Variants in P2RX6 observed in about 807,000 individuals in gnomAD.
The protein encoded by P2RX6 is purinergic receptor P2X 6.
P2RX6 carries 62 observed loss-of-function variants against 54.2 expected under a neutral mutation model. The observed-to-expected ratio is 1.14, with a 90% CI of 0.93 to 1.41. The LOEUF is 1.41. Ranked by LOEUF, P2RX6 falls within the 40% of genes most tolerant of loss-of-function variation. The pLI, the probability that P2RX6 is intolerant of heterozygous loss-of-function variation, is 0.00. For synonymous variants in P2RX6, 211 were observed against 231.9 expected (o/e 0.91, Z 0.82); for missense variants, 541 against 566.3 (o/e 0.96, Z 0.45).
upstream of P2RX6, chr22:21,013,854 T>C (rs1431987329): frequency 6.6e-6 from 1 of 152,270 alleles, no homozygotes; most frequent in Non-Finnish European, 1.5e-5. Flanking sequence ...TCTGGCGGGA[T>C]TTTCCATTTT....
At chr22:21,015,008 G>A (rs1448995930), upstream of P2RX6, 12 of 521,466 alleles carry the variant, frequency 2.3e-5, no homozygotes, top group Non-Finnish European at 3.6e-5. Flanking sequence ...ATGTAGGGAG[G>A]GTGGGAGGTG....
intron 3 of P2RX6, among the ~76,000 whole-genome samples, chr22:21,022,101 C>T (rs745541087): frequency 6.6e-6 from 1 of 152,198 alleles, no homozygotes; most frequent in Non-Finnish European, 1.5e-5. Context: ...GGTGCGTTGT[C>T]TCACGCCTGT....
chr22:21,017,389 C>T (rs1302220325), intron 2 of P2RX6, among the ~76,000 whole-genome samples: 1 of 152,224 alleles, frequency 6.6e-6, no homozygotes, highest in Non-Finnish European at 1.5e-5. Context: ...CCAATGTCCT[C>T]GGCCACCCGT....
chr22:21,018,762 G>C (rs2148027532), intron 3 of P2RX6: 1 of 150,188 alleles, frequency 6.7e-6, no homozygotes, highest in South Asian at 2.1e-4. Context: ...ACAGGCGCCT[G>C]CCACCACGCC....
In P2RX6 at chr22:21,026,499, T is replaced by C; in HGVS notation, c.1208T>C (p.Leu403Pro). 4 of 1,597,318 alleles carry C rather than the reference T, an allele frequency of 2.5e-6. No individual in the cohort carries two copies. The highest frequency in any genetic ancestry group is 3.4e-6 in the Non-Finnish European group (4 of 1,172,600). Residue 403 changes from leucine (L) to proline (P), a missense_variant, in exon 12 of 12, where the codon CTC (leucine) becomes CCC (proline). Transcript: ENST00000413302. The surrounding 1 kb of genome is among the most constrained non-coding windows in gnomAD (Gnocchi z 4.0). ...TCCCAAGCCCGACTGGCCGAGTGCC[T>C]CAGACGGAGCTCAGCACCTGCACCC... is the stretch of plus-strand genomic sequence containing the variant. ...LASQARLAEC[L>P]RRSSAPAPTA... is the part of the protein sequence containing the mutation.
upstream of P2RX6, among the ~76,000 whole-genome samples, chr22:21,013,449 G>T (rs1384314027): frequency 6.6e-6 from 1 of 152,212 alleles, no homozygotes; most frequent in African/African-American, 2.4e-5. Flanking sequence ...AAATTAGCCA[G>T]ATGTGGTAGC....
intron 3 of P2RX6, among the ~76,000 whole-genome samples, chr22:21,021,738 G>A (rs1172859159): frequency 6.6e-6 from 1 of 152,056 alleles, no homozygotes; most frequent in Non-Finnish European, 1.5e-5. Flanking sequence ...GGGTGCCTTC[G>A]TCTCTGGGGT....
chr22:21,017,528 C>T (rs774863189), intron 2 of P2RX6, among the ~76,000 whole-genome samples: 1 of 152,184 alleles, frequency 6.6e-6, no homozygotes, highest in African/African-American at 2.4e-5. Flanking sequence ...CTTGGATCTT[C>T]AGTACTAGAA....
chr22:21,024,371 G>A (rs1928022741), intron 8 of P2RX6, among the ~76,000 whole-genome samples: 1 of 151,350 alleles, frequency 6.6e-6, no homozygotes, highest in Non-Finnish European at 1.5e-5. Context: ...TCCGCTTCCC[G>A]TGTTCACGCC....
At chr22:21,019,422 TCTC>T (rs370567420) in intron 3 of P2RX6, among the ~76,000 whole-genome samples, 239 of 152,336 alleles carry the variant, frequency 1.6e-3, no homozygotes, top group African/African-American at 5.3e-3. Context: ...TTCAAGCAGT[TCTC>T]CTGCTCACCC....
chr22:21,015,083 TG>T, upstream of P2RX6: 1 of 720,404 alleles, frequency 1.4e-6, no homozygotes, highest in Non-Finnish European at 2.2e-6. Context: ...CCTGCTTTAG[TG>T]GAAGTGTCCC....
chr22:21,014,354 C>A (rs1925982638), upstream of P2RX6: 1 of 152,478 alleles, frequency 6.6e-6, no homozygotes, highest in African/African-American at 2.4e-5. Context: ...CTGGCGTCTG[C>A]CACGGCAATT....
Position 21,026,215 on chromosome 22 carries a change from CG to C in P2RX6, c.1051-32del. On this transcript the variant is annotated intron_variant, in intron 10 of 11. Transcript: ENST00000413302. This position sits in a 1 kb window ranked among gnomAD's most constrained non-coding sequence, Gnocchi z 4.0. Reference sequence around the variant, plus strand: ...TGGGGAGGTGGCAGGAGAGCAGGCTCGGGGGCTGGAACATGGGTTGGCCCTG... The same window carrying C: ...TGGGGAGGTGGCAGGAGAGCAGGCTCGGGGCTGGAACATGGGTTGGCCCTG... 2 of 1,559,916 alleles carry C rather than the reference CG, an allele frequency of 1.3e-6. No individual in the cohort carries two copies. Among genetic ancestry groups the C allele is most frequent in the South Asian group, 1.2e-5 (1 of 85,086 alleles).
Position 21,026,635 on chromosome 22 carries a change from A to T in P2RX6, c.*18A>T. 2 of 1,563,874 alleles carry T rather than the reference A, an allele frequency of 1.3e-6. No individual in the cohort carries two copies. The highest frequency in any genetic ancestry group is 1.7e-6 in the Non-Finnish European group (2 of 1,154,490). ...GCCTGTAGCCGTTCCCTGCTGGTTG[A>T]GAGTTGGGGGCTGGGAAGGGCGGGG... is the stretch of plus-strand genomic sequence containing the variant. On this transcript the variant is annotated 3_prime_UTR_variant, in exon 12 of 12. Coordinates refer to ENST00000413302, the MANE Select transcript of P2RX6 (RefSeq NM_005446.5). The surrounding 1 kb of genome is among the most constrained non-coding windows in gnomAD (Gnocchi z 4.0).
Position 21,026,421 on chromosome 22 carries a change from C to A in P2RX6, c.1130C>A (p.Ala377Asp). Residue 377 changes from alanine to aspartate, a missense_variant and splice_region_variant, in exon 12 of 12, where the codon GCC becomes GAC. Ala to Asp is a moderately radical substitution (Grantham distance 126). Coordinates refer to ENST00000413302, the MANE Select transcript of P2RX6 (RefSeq NM_005446.5). This position sits in a 1 kb window ranked among gnomAD's most constrained non-coding sequence, Gnocchi z 4.0. ...HFYWRTKYEE[A>D]KAPKATANSV... is the part of the protein sequence containing the mutation. Reference sequence around the variant, plus strand: ...CTGACCTGCTGTCCTCATCTGCAGGCCAAGGCCCCGAAAGCAACCGCCAAC... The same window carrying A: ...CTGACCTGCTGTCCTCATCTGCAGGACAAGGCCCCGAAAGCAACCGCCAAC... 6.3e-7 allele frequency: 1 copy of A among 1,598,344 alleles called. No homozygotes were observed. Among genetic ancestry groups the A allele is most frequent in the Non-Finnish European group, 8.5e-7 (1 of 1,172,906 alleles).
At chr22:21,022,268 G>A (rs768437264) in intron 3 of P2RX6, among the ~76,000 whole-genome samples, 2 of 152,236 alleles carry the variant, frequency 1.3e-5, no homozygotes, top group African/African-American at 4.8e-5. Flanking sequence ...CAGCTACTGG[G>A]AATACTGAGG....
Position 21,026,811 on chromosome 22 carries a change from C to A in P2RX6, c.*194C>A, listed in dbSNP as rs529044977. ...CATAGAAGTCGGCTGTGTTTTGAGA[C>A]GGCGACAGAACCTGACCCGTGGAGA... is the stretch of plus-strand genomic sequence containing the variant. On this transcript the variant is annotated 3_prime_UTR_variant, in exon 12 of 12. Transcript: ENST00000413302. The surrounding 1 kb of genome is among the most constrained non-coding windows in gnomAD (Gnocchi z 4.0). 1 of 1,202,216 alleles carries A rather than the reference C, an allele frequency of 8.3e-7. No homozygotes were observed. 74.5% of individuals were successfully genotyped at this position (1,202,216 alleles called of 1,614,324 possible).
rs759868874 is a variant in P2RX6 at position 21,015,957 on chromosome 22, CA to C, written c.186del (p.Gly63AlafsTer39). On this transcript the variant is annotated frameshift_variant, in exon 2 of 12. Coordinates refer to ENST00000413302, the MANE Select transcript of P2RX6 (RefSeq NM_005446.5). LOFTEE classifies it high-confidence loss of function. The stretch of plus-strand genomic sequence containing the variant: ...TCCTCCCCAGGTGGGCTCTCCTCGC[CA>C]AAAAAGGCTACCAGGAGCGGGACCT... ...VYVVGWALLA[K>X]KGYQERDLEP... 2.6e-6 allele frequency: 4 copies of C among 1,549,494 alleles called. No homozygotes were observed. Among genetic ancestry groups the C allele is most frequent in the East Asian group, 4.9e-5 (2 of 40,906 alleles).
intron 1 of P2RX6, 90 bp from the exon 2 acceptor site, chr22:21,015,852 G>A: frequency 7.4e-7 from 1 of 1,358,326 alleles, no homozygotes; most frequent in Admixed American, 2.3e-5. Context: ...CCTGTAGGGT[G>A]TGGGGGGAGA....
Sources: allele counts gnomAD v4.1 joint callset (sites outside exome capture counted in the v4.1 genomes callset), GRCh38; gene constraint gnomAD v4.1.1; non-coding constraint Gnocchi (gnomAD v3.1); transcripts MANE v1.5; gene names NCBI Gene and HGNC (gene_info 2026-07-23, HGNC 2026-07-21).